The following LUZP2 variants were observed in gnomAD, a reference collection of about 807,000 sequenced individuals.
LUZP2 encodes leucine zipper protein 2.
In LUZP2, 52 loss-of-function variants were observed where a neutral mutation model predicts 51.6. The observed-to-expected ratio is 1.01, with a 90% CI of 0.81 to 1.27. The LOEUF is 1.27. Among genes scored for constraint, LUZP2 ranks in the 50% most tolerant of loss-of-function variants. The probability of loss-of-function intolerance (pLI) is 0.00; values close to 1 mark genes in which losing one functional copy is unlikely to be tolerated. For synonymous variants in LUZP2, 154 were observed against 137.3 expected (o/e 1.12, Z -0.85); for missense variants, 436 against 395.4 (o/e 1.10, Z -0.87).
intron 1 of LUZP2, among the ~76,000 whole-genome samples, chr11:24,582,111 G>A (rs1036966768): frequency 1.4e-4 from 21 of 152,120 alleles, no homozygotes; most frequent in African/African-American, 5.1e-4. Context: ...GGTTCATAAA[G>A]AATAAGCAAG....
chr11:25,036,693 T>A (rs537717020), intron 9 of LUZP2, among the ~76,000 whole-genome samples: 4 of 151,904 alleles, frequency 2.6e-5, no homozygotes, highest in Admixed American at 2.6e-4. Context: ...TTCAAATATG[T>A]TTTTTTTCCT....
intron 1 of LUZP2, among the ~76,000 whole-genome samples, chr11:24,710,907 A>AGAAG (rs1410679565): frequency 6.9e-6 from 1 of 144,178 alleles, no homozygotes; most frequent in African/African-American, 2.5e-5. Flanking sequence ...AAGGAAAGAA[A>AGAAG]GAAGGAAGGA....
intron 5 of LUZP2, among the ~76,000 whole-genome samples, chr11:24,876,501 C>G (rs1316107136): frequency 6.7e-5 from 10 of 148,532 alleles, no homozygotes; most frequent in East Asian, 2.0e-4. Context: ...GTTACTGTAG[C>G]CTTGTAGTAT....
At chr11:24,829,694 G>T (rs1394597214) in intron 5 of LUZP2, among the ~76,000 whole-genome samples, 1 of 152,120 alleles carries the variant, frequency 6.6e-6, no homozygotes, top group Non-Finnish European at 1.5e-5. Flanking sequence ...TAAAATGGAA[G>T]GAAAATGTTA....
chr11:24,549,846 G>A (rs1031405897), intron 1 of LUZP2, among the ~76,000 whole-genome samples: 2 of 151,970 alleles, frequency 1.3e-5, no homozygotes, highest in African/African-American at 4.8e-5. Context: ...TGTTCATGTT[G>A]CTTTCTATGG....
chr11:24,668,767 A>T (rs1196911278), intron 1 of LUZP2, among the ~76,000 whole-genome samples: 1 of 152,088 alleles, frequency 6.6e-6, no homozygotes, highest in Non-Finnish European at 1.5e-5. Context: ...TAATCCTGAA[A>T]CTCAACTTCT....
chr11:24,793,507 A>G (rs894644048), intron 5 of LUZP2, among the ~76,000 whole-genome samples: 1 of 152,192 alleles, frequency 6.6e-6, no homozygotes, highest in Non-Finnish European at 1.5e-5. Context: ...GTAAAAGAAT[A>G]AAGAAAAGTC....
intron 9 of LUZP2, among the ~76,000 whole-genome samples, chr11:25,046,301 C>G (rs1211106103): frequency 6.6e-6 from 1 of 151,438 alleles, no homozygotes; most frequent in Non-Finnish European, 1.5e-5. Context: ...CAAATGGGAG[C>G]TCTTTGAGAT....
chr11:24,703,592 G>T (rs745712226), intron 1 of LUZP2, among the ~76,000 whole-genome samples: 2 of 152,056 alleles, frequency 1.3e-5, no homozygotes, highest in Admixed American at 6.6e-5. Context: ...GGAGGCCGAG[G>T]CAGGTGGATC....
chr11:24,870,895 G>A (rs572338172), intron 5 of LUZP2, among the ~76,000 whole-genome samples: 2 of 151,922 alleles, frequency 1.3e-5, no homozygotes, highest in African/African-American at 4.8e-5. Flanking sequence ...GAAAAATGAG[G>A]ATATAAAATG....
chr11:24,901,830 C>T (rs913973816), intron 5 of LUZP2, among the ~76,000 whole-genome samples: 1 of 152,126 alleles, frequency 6.6e-6, no homozygotes, highest in Non-Finnish European at 1.5e-5. Flanking sequence ...GCTGTCTTTG[C>T]TATATTTTTG....
chr11:24,514,802 T>G (rs1223112750), intron 1 of LUZP2, among the ~76,000 whole-genome samples: 1 of 152,180 alleles, frequency 6.6e-6, no homozygotes, highest in Non-Finnish European at 1.5e-5. Context: ...AGAAATATAG[T>G]AAGACTTAGT....
chr11:24,919,513 C>G (rs1236279139), intron 7 of LUZP2, among the ~76,000 whole-genome samples: 1 of 121,646 alleles, frequency 8.2e-6, no homozygotes, highest in Admixed American at 8.4e-5. Context: ...TATTCATAAT[C>G]TATATATTCT....
intron 8 of LUZP2, among the ~76,000 whole-genome samples, chr11:24,977,349 T>C (rs1353638354): frequency 6.6e-6 from 1 of 151,672 alleles, no homozygotes; most frequent in African/African-American, 2.4e-5. Context: ...TAACAGTTGT[T>C]TAAATACACA....
chr11:24,801,299 C>T (rs1254285661), intron 5 of LUZP2, among the ~76,000 whole-genome samples: 2 of 151,986 alleles, frequency 1.3e-5, no homozygotes, highest in African/African-American at 4.8e-5. Context: ...CAACCCCAAC[C>T]CTCAATTCAT....
intron 2 of LUZP2, among the ~76,000 whole-genome samples, chr11:24,730,317 A>T (rs1858667284): frequency 6.6e-6 from 1 of 151,824 alleles, no homozygotes; most frequent in South Asian, 2.1e-4. Flanking sequence ...GAGTGCACAG[A>T]TAGTTAAGGG....
intron 5 of LUZP2, among the ~76,000 whole-genome samples, chr11:24,800,392 A>G (rs1310126812): frequency 2.0e-5 from 3 of 152,024 alleles, no homozygotes; most frequent in African/African-American, 7.2e-5. Flanking sequence ...GGTATATGAC[A>G]TTGTCACTAT....
intron 5 of LUZP2, among the ~76,000 whole-genome samples, chr11:24,800,489 T>C (rs1412171226): frequency 6.7e-6 from 1 of 150,316 alleles, no homozygotes; most frequent in African/African-American, 2.5e-5. Flanking sequence ...AGAGATCTAG[T>C]GAATGCCAGG....
intron 10 of LUZP2, among the ~76,000 whole-genome samples, chr11:25,069,239 A>C (rs1033961040): frequency 6.6e-6 from 1 of 151,944 alleles, no homozygotes; most frequent in Non-Finnish European, 1.5e-5. Flanking sequence ...AACGATCCCA[A>C]ATTTGCAGCA....
Sources: gnomAD v4.1 joint callset for allele counts (sites outside exome capture counted in the v4.1 genomes callset) on GRCh38, gnomAD v4.1.1 for gene constraint, MANE v1.5 for transcripts, NCBI Gene and HGNC (gene_info 2026-07-23, HGNC 2026-07-21) for gene names.